The following SH3BP1 variants were observed in gnomAD, a reference collection of about 807,000 sequenced individuals.
SH3BP1 encodes the protein SH3 domain-binding protein 1.
SH3BP1 carries 46 observed loss-of-function variants against 69.8 expected under a neutral mutation model. The ratio of observed to expected loss-of-function variants is 0.66; its 90% CI spans 0.52 to 0.84. The LOEUF (loss-of-function observed/expected upper bound fraction) is 0.84, where lower values mean the gene tolerates loss of function less well. Among genes scored for constraint, SH3BP1 ranks in the 40% least tolerant of loss-of-function variants. SH3BP1 has a pLI of 0.00. For missense variants in SH3BP1, 868 were observed against 930.9 expected (o/e 0.93, Z 0.88); for synonymous variants, 403 against 378.0 (o/e 1.07, Z -0.77).
At chr22:37,643,423 C>T (rs1932685112) in intron 6 of SH3BP1, 1 of 678,506 alleles carries the variant, frequency 1.5e-6, no homozygotes, top group Non-Finnish European at 2.5e-6. Flanking sequence ...CTGCGGCAGC[C>T]CTGTTCTCCC....
intron 17 of SH3BP1, among the ~76,000 whole-genome samples, chr22:37,654,657 C>T (rs144722047): frequency 6.6e-6 from 1 of 152,178 alleles, no homozygotes. Flanking sequence ...CTTCTGAGCC[C>T]CTCTGGCACA....
At position 37,655,305 on chromosome 22, in the gene SH3BP1, C is replaced by A; in HGVS notation, c.1727C>A (p.Pro576Gln). 1 of 1,569,768 alleles carries A rather than the reference C, an allele frequency of 6.4e-7. No individual in the cohort carries two copies. Among genetic ancestry groups the A allele is most frequent in the Non-Finnish European group, 8.6e-7 (1 of 1,161,258 alleles). Residue 576 changes from proline (P) to glutamine (Q), a missense_variant, in exon 18 of 18, where the codon CCG becomes CAG. Physicochemically the swap from Pro to Gln is moderately conservative, Grantham distance 76. Transcript: ENST00000649765. Reference protein sequence around the residue: ...KRPAPARPTMPPPQVSGSRSS... With the variant: ...KRPAPARPTMQPPQVSGSRSS... Reference sequence around the variant, plus strand: ...CCGGCGCCAGCCCGGCCCACCATGCCGCCCCCCCAGGTCTCCGGCTCCCGC... The same window carrying A: ...CCGGCGCCAGCCCGGCCCACCATGCAGCCCCCCCAGGTCTCCGGCTCCCGC...
Position 37,643,697 on chromosome 22 carries a change from C to G in SH3BP1, c.527C>G (p.Pro176Arg), listed in dbSNP as rs915111725. The change falls in exon 7 of 18, where the codon CCG becomes CGG. Residue 176 changes from proline to arginine, a missense_variant. Physicochemically the swap from Pro to Arg is moderately radical, Grantham distance 103. Coordinates refer to ENST00000649765, the MANE Select transcript of SH3BP1 (RefSeq NM_018957.6). ...SGSSQGLGGS[P>R]GSHSHTTMAN... ...AGCAGTCAAGGCCTAGGAGGCAGCC[C>G]GGGTAGTCACAGCCATACGACCATG... The G allele has an allele frequency of 1.2e-6, 2 of 1,613,934 alleles. No homozygotes were observed. Among genetic ancestry groups the G allele is most frequent in the Non-Finnish European group, 1.7e-6 (2 of 1,180,032 alleles).
At chr22:37,642,128 A>T (rs191691329) in intron 3 of SH3BP1, 1 of 199,246 alleles carries the variant, frequency 5.0e-6, no homozygotes, top group African/African-American at 2.3e-5. Context: ...AAGGCAAGGA[A>T]ATTGGGAGCC....
chr22:37,650,737 G>A lies in SH3BP1; in HGVS notation c.1598+12G>A, dbSNP rs1932864189. ...GCTACCAAGGAAAGGTGAGGACTGA[G>A]GGGCTTGAATGGCTCCTGTGGTACT... is the stretch of plus-strand genomic sequence containing the variant. On this transcript the variant is annotated intron_variant, in intron 16 of 17. Coordinates refer to ENST00000649765, the MANE Select transcript of SH3BP1 (RefSeq NM_018957.6). 1 of 1,597,166 alleles carries A rather than the reference G, an allele frequency of 6.3e-7. No individual in the cohort carries two copies. The highest frequency in any genetic ancestry group is 8.5e-7 in the Non-Finnish European group (1 of 1,170,222).
intron 13 of SH3BP1, among the ~76,000 whole-genome samples, 170 bp from the exon 14 acceptor site, chr22:37,648,132 CTGCTGAGGACTCAGCTT>C (rs1932815697): frequency 2.0e-5 from 3 of 152,346 alleles, no homozygotes; most frequent in Admixed American, 2.0e-4. Flanking sequence ...TGTAGGGTGG[CTGCTGAGGACTCAGCTT>C]GGCTCAGTGC....
chr22:37,640,799 G>A (rs1247354221), intron 1 of SH3BP1: 1 of 403,520 alleles, frequency 2.5e-6, no homozygotes, highest in Admixed American at 4.3e-5. Context: ...TGAGGATTTG[G>A]GAGTGGGCAG....
chr22:37,641,098 T>TCCCCCC (rs751968178), intron 1 of SH3BP1, 28 bp from the exon 2 acceptor site: 22 of 948,046 alleles, frequency 2.3e-5, no homozygotes, highest in Non-Finnish European at 3.1e-5. Flanking sequence ...AGAAGCACTC[T>TCCCCCC]CCCCCCCCCC....
At chr22:37,642,684 A>G in intron 4 of SH3BP1, 69 bp downstream of exon 4, 4 of 1,611,216 alleles carry the variant, frequency 2.5e-6, no homozygotes, top group East Asian at 2.2e-5. Context: ...GAGGGGGTCC[A>G]GGTGGTGAGG....
intron 13 of SH3BP1, 140 bp from the exon 14 acceptor site, chr22:37,648,179 C>A: frequency 1.5e-6 from 1 of 650,918 alleles, no homozygotes; most frequent in Non-Finnish European, 2.7e-6. Flanking sequence ...GGTTGGCACT[C>A]AGTGGATAAG....
At chr22:37,647,080 C>T (rs1932797874) in intron 11 of SH3BP1, 151 bp downstream of exon 11, 1 of 747,818 alleles carries the variant, frequency 1.3e-6, no homozygotes, top group Admixed American at 2.8e-5. Flanking sequence ...CATGAGCCCC[C>T]CGAAAATGTT....
intron 17 of SH3BP1, among the ~76,000 whole-genome samples, chr22:37,654,789 T>G (rs1193764824): frequency 6.6e-6 from 1 of 151,988 alleles, no homozygotes. Flanking sequence ...TGACCAGGGC[T>G]GGTAGGTAGT....
chr22:37,649,910 G>T (rs1464308480), intron 14 of SH3BP1: 3 of 618,882 alleles, frequency 4.8e-6, no homozygotes, highest in Non-Finnish European at 9.0e-6. Context: ...CTTGGTAGAG[G>T]CTGTCCAGAT....
chr22:37,644,832 C>T lies in SH3BP1; in HGVS notation c.688-38C>T, dbSNP rs779535611. Reference sequence around the variant, plus strand: ...AAGGACCCTATAGAAGGCTCAGCTTCCCCCACTTCCGCTCAGGGTGTCCCT... The same window carrying T: ...AAGGACCCTATAGAAGGCTCAGCTTTCCCCACTTCCGCTCAGGGTGTCCCT... On this transcript the variant is annotated intron_variant, in intron 8 of 17. Coordinates refer to ENST00000649765, the MANE Select transcript of SH3BP1 (RefSeq NM_018957.6). 24 of 1,610,338 alleles carry T rather than the reference C, an allele frequency of 1.5e-5. 1 individual carries two copies. The South Asian group carries it at 2.1e-4, about 14-fold the overall frequency.
intron 6 of SH3BP1, 87 bp downstream of exon 6, chr22:37,643,261 A>G: frequency 3.4e-6 from 4 of 1,189,330 alleles, no homozygotes; most frequent in Non-Finnish European, 4.9e-6. Context: ...CCACACCAGG[A>G]GGATGCTGTG....
In SH3BP1 at chr22:37,655,387, A is replaced by G. The variant is rs1178996645; in HGVS notation, c.1809A>G (p.Gln603=). Residue 603 remains glutamine (Q), a synonymous_variant, in exon 18 of 18, where the codon CAA becomes CAG. Transcript: ENST00000649765. Reference sequence around the variant, plus strand: ...GCTCTGGCAGCCCTGGGACCCCCCAAGCCCTGCCCCGACGTCTGGTTGGCA... The same window carrying G: ...GCTCTGGCAGCCCTGGGACCCCCCAGGCCCTGCCCCGACGTCTGGTTGGCA... ...PPGSGSPGTP[Q]ALPRRLVGSS... is the part of the protein sequence containing the mutation. The G allele has an allele frequency of 8.2e-7, 1 of 1,213,042 alleles. No homozygotes were observed. The allele number at this position is 1,213,042 out of a possible 1,614,324, so 75.1% of individuals were successfully genotyped here. A position where few individuals can be genotyped will look rare whatever the true frequency, so the allele number is the denominator to read the frequency against.
chr22:37,647,690 T>G (rs1319476714), intron 13 of SH3BP1, among the ~76,000 whole-genome samples, 169 bp downstream of exon 13: 5 of 152,000 alleles, frequency 3.3e-5, no homozygotes, highest in Non-Finnish European at 7.4e-5. Context: ...TTTTTTTTTT[T>G]TCTGAGACAG....
At chr22:37,641,036 C>A in intron 1 of SH3BP1, 90 bp from the exon 2 acceptor site, 1 of 898,046 alleles carries the variant, frequency 1.1e-6, no homozygotes, top group Non-Finnish European at 1.8e-6. Flanking sequence ...GGTCCAGGTG[C>A]CCTGCTGCGG....
At position 37,647,447 on chromosome 22, in the gene SH3BP1, G is replaced by A; in HGVS notation, c.1125G>A (p.Lys375=). ...YDDWMRAASL[K]EPGARLQALQ... Reference sequence around the variant, plus strand: ...TCTCTCCACTCCCCCCCAGCCTGAAGGAGCCAGGGGCCCGGCTGCAGGCCC... The same window carrying A: ...TCTCTCCACTCCCCCCCAGCCTGAAAGAGCCAGGGGCCCGGCTGCAGGCCC... Residue 375 remains lysine (K), a synonymous_variant, in exon 13 of 18, where the codon AAG becomes AAA. Transcript: ENST00000649765. 2 of 1,612,230 alleles carry A rather than the reference G, an allele frequency of 1.2e-6. No individual in the cohort carries two copies. The highest frequency in any genetic ancestry group is 1.7e-4 in the Middle Eastern group (1 of 6,056).
Sources: allele counts gnomAD v4.1 joint callset (sites outside exome capture counted in the v4.1 genomes callset), GRCh38; gene constraint gnomAD v4.1.1; transcripts MANE v1.5; gene names NCBI Gene and HGNC (gene_info 2026-07-23, HGNC 2026-07-21).